TP63: variants seen among roughly 807,000 people sequenced by gnomAD.
TP63 encodes tumor protein p63.
TP63 carries 17 observed loss-of-function variants against 82.8 expected under a neutral mutation model. The observed-to-expected ratio is 0.21, with a 90% CI of 0.14 to 0.31. The LOEUF (loss-of-function observed/expected upper bound fraction) is 0.31. Ranked by LOEUF, TP63 falls within the 10% of genes least tolerant of loss-of-function variation. The probability of loss-of-function intolerance (pLI) is 1.00; values close to 1 mark genes in which losing one functional copy is unlikely to be tolerated. For missense variants in TP63, 648 were observed against 895.3 expected (o/e 0.72, Z 3.52); for synonymous variants, 330 against 321.7 (o/e 1.03, Z -0.28).
chr3:189,673,385 CCA>C, intron 1 of TP63, among the ~76,000 whole-genome samples: 1 of 152,064 alleles, frequency 6.6e-6, no homozygotes, highest in Admixed American at 6.6e-5. Flanking sequence ...TCTAGAGGCT[CCA>C]GTTAGGACAA....
chr3:189,743,307 C>T (rs1389457144), intron 3 of TP63, among the ~76,000 whole-genome samples: 1 of 152,108 alleles, frequency 6.6e-6, no homozygotes, highest in Non-Finnish European at 1.5e-5. Context: ...ATGATAATAA[C>T]CAATGCTAGT....
At chr3:189,884,149 T>C (rs780346849) in intron 10 of TP63, among the ~76,000 whole-genome samples, 6 of 152,136 alleles carry the variant, frequency 3.9e-5, no homozygotes, top group Non-Finnish European at 8.8e-5. Context: ...GCAAAGAGAA[T>C]TGAAGAAACA....
At position 189,713,150 on chromosome 3, in the gene TP63, G is replaced by A. The variant is rs186169421; in HGVS notation, c.63-24590G>A. 4.6e-5 allele frequency among the ~76,000 whole-genome samples: 7 copies of A among 152,254 alleles called. No individual in the cohort carries two copies. In the East Asian group the frequency reaches 9.6e-4, roughly 21 times the overall value. ...CAAAAACCTCAAAATAGGCTTTATGGCCACTTCATCTCCATTTGTACCCCT... is the reference window on the plus strand; with the variant it reads ...CAAAAACCTCAAAATAGGCTTTATGACCACTTCATCTCCATTTGTACCCCT... On this transcript the variant is annotated intron_variant, in intron 1 of 13. Coordinates refer to ENST00000264731, the MANE Select transcript of TP63 (RefSeq NM_003722.5).
At chr3:189,762,793 G>A (rs1389455506) in intron 3 of TP63, among the ~76,000 whole-genome samples, 2 of 152,194 alleles carry the variant, frequency 1.3e-5, no homozygotes, top group African/African-American at 2.4e-5. Flanking sequence ...TAAAAGAGCT[G>A]AGTCTATCAC....
intron 3 of TP63, among the ~76,000 whole-genome samples, chr3:189,784,170 A>G (rs897725015): frequency 1.3e-5 from 2 of 152,034 alleles, no homozygotes; most frequent in Non-Finnish European, 2.9e-5. Context: ...TCCATAATAC[A>G]AAACAATATG....
intron 3 of TP63, among the ~76,000 whole-genome samples, chr3:189,761,231 T>G (rs1447957709): frequency 6.6e-6 from 1 of 152,224 alleles, no homozygotes; most frequent in East Asian, 1.9e-4. Flanking sequence ...GAAAATTGGA[T>G]TTTGTTTTCT....
chr3:189,822,937 G>T (rs1000921964), intron 4 of TP63, among the ~76,000 whole-genome samples: 1 of 152,208 alleles, frequency 6.6e-6, no homozygotes, highest in Non-Finnish European at 1.5e-5. Context: ...TCCAGTGGTG[G>T]TGAGTTCTCC....
chr3:189,742,627 G>A (rs2108509269), intron 3 of TP63, among the ~76,000 whole-genome samples: 1 of 152,300 alleles, frequency 6.6e-6, no homozygotes, highest in South Asian at 2.1e-4. Flanking sequence ...ACAGCCCTTA[G>A]CGTAGTGCCC....
intron 3 of TP63, among the ~76,000 whole-genome samples, chr3:189,800,685 G>A (rs1258033786): frequency 2.0e-5 from 3 of 151,982 alleles, no homozygotes; most frequent in Non-Finnish European, 2.9e-5. Flanking sequence ...ACTTAACCTT[G>A]TGGAGCTTCA....
chr3:189,671,040 C>T (rs1482888804), intron 1 of TP63, among the ~76,000 whole-genome samples: 1 of 151,894 alleles, frequency 6.6e-6, no homozygotes, highest in East Asian at 1.9e-4. Context: ...GAGAATATCT[C>T]AAACTAAAAA....
At chr3:189,881,029 G>C in intron 10 of TP63, 1 of 985,364 alleles carries the variant, frequency 1.0e-6, no homozygotes, top group Non-Finnish European at 1.2e-6. Context: ...TTACGTAGTT[G>C]TTTACCATTA....
intron 3 of TP63, among the ~76,000 whole-genome samples, chr3:189,741,213 A>AC (rs1720960613): frequency 7.5e-6 from 1 of 133,958 alleles, no homozygotes; most frequent in South Asian, 2.3e-4. Flanking sequence ...GAAAAAAAAA[A>AC]AAAACCCTGA....
intron 5 of TP63, 62 bp from the exon 6 acceptor site, chr3:189,866,620 C>T: frequency 6.9e-7 from 1 of 1,456,342 alleles, no homozygotes; most frequent in Non-Finnish European, 9.5e-7. Context: ...CATGCAATTT[C>T]ATTTTATTTT....
At chr3:189,628,178 T>C (rs1729361875), upstream of TP63, among the ~76,000 whole-genome samples, 1 of 152,022 alleles carries the variant, frequency 6.6e-6, no homozygotes, top group South Asian at 2.1e-4. Context: ...TGTAGGACAG[T>C]AGAAGTGGGG....
intron 1 of TP63, among the ~76,000 whole-genome samples, chr3:189,730,736 C>T (rs1560141090): frequency 6.6e-6 from 1 of 152,246 alleles, no homozygotes; most frequent in East Asian, 1.9e-4. Flanking sequence ...TCCAGGCCTG[C>T]TCTATTGGAG....
chr3:189,866,842 T>G lies in TP63; in HGVS notation c.882+45T>G, dbSNP rs767085240. Reference sequence around the variant, plus strand: ...ACCAAAAAACAACACCTCTATGGACTGAGTAGACTTGAGAGAACATCTGTT... The same window carrying G: ...ACCAAAAAACAACACCTCTATGGACGGAGTAGACTTGAGAGAACATCTGTT... On this transcript the variant is annotated intron_variant, in intron 6 of 13. Transcript: ENST00000264731. 4.1e-6 allele frequency: 6 copies of G among 1,453,568 alleles called. No homozygotes were observed. The South Asian group carries it at 6.9e-5, about 17-fold the overall frequency. 90.0% of individuals were successfully genotyped at this position (1,453,568 alleles called of 1,614,324 possible).
chr3:189,657,653 G>C (rs1713502347), intron 1 of TP63, among the ~76,000 whole-genome samples: 1 of 152,060 alleles, frequency 6.6e-6, no homozygotes, highest in South Asian at 2.1e-4. Context: ...TATTGGAGTA[G>C]GAGATTACAA....
At chr3:189,719,984 A>G (rs1560133368) in intron 1 of TP63, among the ~76,000 whole-genome samples, 1 of 152,206 alleles carries the variant, frequency 6.6e-6, no homozygotes, top group Non-Finnish European at 1.5e-5. Context: ...AAGAAGATCC[A>G]GTTAGTAATC....
At chr3:189,776,460 G>A (rs950132932) in intron 3 of TP63, among the ~76,000 whole-genome samples, 1 of 152,096 alleles carries the variant, frequency 6.6e-6, no homozygotes, top group Non-Finnish European at 1.5e-5. Context: ...ATTTAGGAGT[G>A]GATGCTTAAC....
Sources: gnomAD v4.1 joint callset for allele counts (sites outside exome capture counted in the v4.1 genomes callset) on GRCh38, gnomAD v4.1.1 for gene constraint, MANE v1.5 for transcripts, NCBI Gene and HGNC (gene_info 2026-07-23, HGNC 2026-07-21) for gene names.